DMXL1: variants seen among roughly 807,000 people sequenced by gnomAD.
DMXL1 encodes Dmx like 1.
DMXL1 carries 99 observed loss-of-function variants against 319.2 expected under a neutral mutation model. That is an observed-to-expected ratio of 0.31 (90% CI 0.26 to 0.37). The LOEUF (loss-of-function observed/expected upper bound fraction) is 0.37, where lower values mean the gene tolerates loss of function less well. Among genes scored for constraint, DMXL1 ranks in the 10% least tolerant of loss-of-function variants. The pLI, the probability that DMXL1 is intolerant of heterozygous loss-of-function variation, is 1.00. For missense variants in DMXL1, 3,745 were observed against 3,595.6 expected, an observed-to-expected ratio of 1.04 and a Z score of -1.06; for synonymous variants, 1,385 against 1,235.2, an observed-to-expected ratio of 1.12 and a Z score of -2.54.
intron 13 of DMXL1, among the ~76,000 whole-genome samples, chr5:119,141,909 A>G (rs1170423950): frequency 6.6e-6 from 1 of 152,156 alleles, no homozygotes; most frequent in Non-Finnish European, 1.5e-5. Flanking sequence ...AGTGGTACAA[A>G]AACAGGCACA....
intron 39 of DMXL1, chr5:119,236,745 A>G (rs1787829385): frequency 6.6e-6 from 1 of 151,930 alleles, no homozygotes; most frequent in Non-Finnish European, 1.5e-5. Flanking sequence ...AAGCTGCGTT[A>G]TTTTTATAAT....
intron 5 of DMXL1, 97 bp from the exon 6 acceptor site, chr5:119,114,378 G>A (rs1032823726): frequency 8.4e-6 from 7 of 829,118 alleles, no homozygotes; most frequent in Non-Finnish European, 1.4e-5. Flanking sequence ...AACATTTTCT[G>A]TCTTTTGAAC....
chr5:119,224,782 A>G lies in DMXL1; in HGVS notation c.8338+13A>G, dbSNP rs112804862. 63 of 1,141,658 alleles carry G rather than the reference A, an allele frequency of 5.5e-5. No homozygotes were observed. In the African/African-American group the frequency reaches 8.8e-4, roughly 16 times the overall value. 70.7% of individuals were successfully genotyped at this position (1,141,658 alleles called of 1,614,324 possible). A position where few individuals can be genotyped will look rare whatever the true frequency, so the allele number is the denominator to read the frequency against. Reference sequence around the variant, plus strand: ...ACTCTTCCTTACTGTAAGTTGAATAATAATTAGCAATTGTCCTTTCTTATT... The same window carrying G: ...ACTCTTCCTTACTGTAAGTTGAATAGTAATTAGCAATTGTCCTTTCTTATT... On this transcript the variant is annotated intron_variant, in intron 38 of 43. Coordinates refer to ENST00000539542, the MANE Select transcript of DMXL1 (RefSeq NM_001290321.3).
chr5:119,159,049 G>A (rs1185816809), intron 19 of DMXL1, among the ~76,000 whole-genome samples: 1 of 152,034 alleles, frequency 6.6e-6, no homozygotes, highest in Non-Finnish European at 1.5e-5. Flanking sequence ...AAGGATTGGT[G>A]TTAGTTTTTC....
At chr5:119,243,822 A>G (rs1789243670) in intron 42 of DMXL1, among the ~76,000 whole-genome samples, 1 of 152,148 alleles carries the variant, frequency 6.6e-6, no homozygotes, top group Non-Finnish European at 1.5e-5. Flanking sequence ...CTTATGGGTT[A>G]TATTTTCTGC....
chr5:119,171,544 A>G (rs1438692422), intron 24 of DMXL1, among the ~76,000 whole-genome samples: 2 of 150,950 alleles, frequency 1.3e-5, no homozygotes, highest in Non-Finnish European at 3.0e-5. Context: ...CAGACTTCTT[A>G]TTGCAAGAGG....
chr5:119,208,712 A>G (rs186699224), intron 34 of DMXL1, among the ~76,000 whole-genome samples: 308 of 152,308 alleles, frequency 2.0e-3, no homozygotes, highest in African/African-American at 7.1e-3. Context: ...TTTGTAAGGT[A>G]TGCCTGACCT....
chr5:119,129,551 C>G (rs1764340666), intron 10 of DMXL1, 128 bp downstream of exon 10: 1 of 653,012 alleles, frequency 1.5e-6, no homozygotes, highest in Non-Finnish European at 2.6e-6. Context: ...CATGGACTAG[C>G]TCATTTAATA....
At chr5:119,232,623 A>G (rs1325450721) in intron 38 of DMXL1, among the ~76,000 whole-genome samples, 1 of 152,160 alleles carries the variant, frequency 6.6e-6, no homozygotes, top group East Asian at 1.9e-4. Context: ...TCCTAGTATA[A>G]CACAAATAAT....
At chr5:119,242,333 C>T (rs150140745) in intron 42 of DMXL1, among the ~76,000 whole-genome samples, 1 of 152,104 alleles carries the variant, frequency 6.6e-6, no homozygotes, top group Non-Finnish European at 1.5e-5. Flanking sequence ...CAACAATGAA[C>T]AATTGCAATT....
At chr5:119,087,021 C>G (rs1235174961) in intron 1 of DMXL1, among the ~76,000 whole-genome samples, 1 of 151,690 alleles carries the variant, frequency 6.6e-6, no homozygotes, top group Non-Finnish European at 1.5e-5. Flanking sequence ...CTTTTTAGTT[C>G]TTTGATCTAG....
At chr5:119,156,388 G>A (rs935365350) in intron 19 of DMXL1, among the ~76,000 whole-genome samples, 3 of 152,154 alleles carry the variant, frequency 2.0e-5, no homozygotes, top group African/African-American at 4.8e-5. Context: ...ACAAAAAATT[G>A]TGTTACTCAT....
At chr5:119,124,127 G>T (rs564440950) in intron 9 of DMXL1, among the ~76,000 whole-genome samples, 2 of 151,454 alleles carry the variant, frequency 1.3e-5, no homozygotes, top group East Asian at 3.9e-4. Context: ...TGGCTAACAT[G>T]GTAAAACCCC....
intron 6 of DMXL1, 126 bp downstream of exon 6, chr5:119,114,667 T>A: frequency 1.4e-6 from 1 of 734,012 alleles, no homozygotes; most frequent in South Asian, 2.0e-5. Context: ...TAAAAATTGT[T>A]TTTTTTGTTT....
intron 19 of DMXL1, among the ~76,000 whole-genome samples, chr5:119,161,876 A>G (rs1422165793): frequency 6.6e-6 from 1 of 152,120 alleles, no homozygotes; most frequent in Non-Finnish European, 1.5e-5. Flanking sequence ...TGTTACCTCT[A>G]ATTGGATGCT....
At chr5:119,187,725 C>T (rs766696098) in intron 28 of DMXL1, among the ~76,000 whole-genome samples, 1 of 152,026 alleles carries the variant, frequency 6.6e-6, no homozygotes. Context: ...TGCAGTGGTG[C>T]GATCTTGGCT....
intron 10 of DMXL1, among the ~76,000 whole-genome samples, chr5:119,131,805 T>C (rs1340674631): frequency 6.6e-6 from 1 of 152,244 alleles, no homozygotes; most frequent in Non-Finnish European, 1.5e-5. Context: ...GGAGCAAAGT[T>C]ACTTTTAATG....
chr5:119,154,224 A>C (rs1770492670), intron 19 of DMXL1, among the ~76,000 whole-genome samples: 1 of 152,196 alleles, frequency 6.6e-6, no homozygotes, highest in African/African-American at 2.4e-5. Context: ...AGAGCTGCAT[A>C]TCTCTCCCTT....
chr5:119,109,906 AG>A (rs1759195161), intron 4 of DMXL1, among the ~76,000 whole-genome samples: 5 of 152,206 alleles, frequency 3.3e-5, no homozygotes. Flanking sequence ...TCCAATGTCT[AG>A]CACAGTGCCC....
Sources: allele counts gnomAD v4.1 joint callset (sites outside exome capture counted in the v4.1 genomes callset), GRCh38; gene constraint gnomAD v4.1.1; transcripts MANE v1.5; gene names NCBI Gene and HGNC (gene_info 2026-07-23, HGNC 2026-07-21).